The following TNRC18 variants were observed in gnomAD, a reference collection of about 807,000 sequenced individuals.
TNRC18 encodes the protein trinucleotide repeat containing 18.
TNRC18 carries 69 observed loss-of-function variants against 226.7 expected under a neutral mutation model. The observed-to-expected ratio is 0.30, with a 90% confidence interval of 0.25 to 0.37. TNRC18 has a LOEUF of 0.37. Among genes scored for constraint, TNRC18 ranks in the 10% least tolerant of loss-of-function variants. TNRC18 has a pLI of 1.00. For synonymous variants in TNRC18, 2,449 were observed against 1,927.6 expected, an observed-to-expected ratio of 1.27 and a Z score of -7.09; for missense variants, 4,754 against 4,256.6, an observed-to-expected ratio of 1.12 and a Z score of -3.25.
intron 2 of TNRC18, among the ~76,000 whole-genome samples, chr7:5,412,755 G>C (rs1001175606): frequency 6.6e-6 from 1 of 152,154 alleles, no homozygotes. Flanking sequence ...AGGCCATCCT[G>C]CCTCTAGATG....
rs749877195 is a variant in TNRC18, at chr7:5,324,287, G to C, written c.6369C>G (p.Pro2123=). ...CCTCAGAGAAGCTCGAGTCTTGGTT[G>C]GGTTCAAAGTCCTCCTCGGCTGCCA... ...ESMAAEEDFE[P]NQDSSFSEDE... Residue 2123 remains proline, a synonymous_variant, in exon 21 of 30, where the codon CCC becomes CCG. Transcript: ENST00000430969. This position sits in a 1 kb window ranked among gnomAD's most constrained non-coding sequence, Gnocchi z 4.8. 3 of 1,613,472 alleles carry C rather than the reference G, an allele frequency of 1.9e-6. No homozygotes were observed. The highest frequency in any genetic ancestry group is 2.5e-6 in the Non-Finnish European group (3 of 1,179,714).
intron 5 of TNRC18, among the ~76,000 whole-genome samples, chr7:5,380,995 T>C (rs1779358555): frequency 6.6e-6 from 1 of 152,060 alleles, no homozygotes. Context: ...GCACTTAGAG[T>C]GCAGCCTGGG....
rs2128118858 is a variant in TNRC18 at position 5,324,898 on chromosome 7, GAGGAC to G, written c.6300+193_6300+197del. On this transcript the variant is annotated intron_variant, in intron 20 of 29. Transcript: ENST00000430969. The surrounding 1 kb of genome is among the most constrained non-coding windows in gnomAD (Gnocchi z 4.8). ...GCCCCCGCTAGAGCAGACATTTCCT[GAGGAC>G]AGGAGCAGAGTCCCCAGTATCTCCT... Among the ~76,000 whole-genome samples the G allele has an allele frequency of 6.6e-6, 1 of 152,296 alleles. No individual in the cohort carries two copies. The highest frequency in any genetic ancestry group is 2.4e-5 in the African/African-American group (1 of 41,570).
At chr7:5,421,012 A>G in intron 2 of TNRC18, 48 bp downstream of exon 2, 1 of 1,544,268 alleles carries the variant, frequency 6.5e-7, no homozygotes, top group Non-Finnish European at 8.8e-7. Context: ...GGCCGAGTGG[A>G]TCTCCCTGGG....
At position 5,391,500 on chromosome 7, in the gene TNRC18, G is replaced by A. The variant is rs1347200694; in HGVS notation, c.344-872C>T. 9.9e-5 allele frequency among the ~76,000 whole-genome samples: 15 copies of A among 151,798 alleles called. No individual in the cohort carries two copies. In the South Asian group the frequency reaches 1.7e-3, roughly 17 times the overall value. On this transcript the variant is annotated intron_variant, in intron 3 of 29. Transcript: ENST00000430969. ...CTAATTTTGTATTTTTAGTAGAGAT[G>A]GGGTTTCACCATGCTGATCAGGCTG...
intron 11 of TNRC18, among the ~76,000 whole-genome samples, chr7:5,363,595 C>G (rs1036399437): frequency 6.6e-6 from 1 of 152,074 alleles, no homozygotes; most frequent in Admixed American, 6.6e-5. Context: ...CAGAGGGAGA[C>G]TCCATCTCAA....
At chr7:5,400,712 T>G (rs1781025059) in intron 2 of TNRC18, among the ~76,000 whole-genome samples, 1 of 152,142 alleles carries the variant, frequency 6.6e-6, no homozygotes, top group African/African-American at 2.4e-5. Context: ...AATGGTTAAT[T>G]GTATGCCACG....
At chr7:5,411,764 C>T (rs1781859440) in intron 2 of TNRC18, among the ~76,000 whole-genome samples, 1 of 151,884 alleles carries the variant, frequency 6.6e-6, no homozygotes, top group South Asian at 2.1e-4. Context: ...CAATGGCTCT[C>T]CAGCACACCC....
Position 5,361,881 on chromosome 7 carries a change from C to T in TNRC18, c.4532+16G>A, listed in dbSNP as rs1018335995. 29 of 1,538,832 alleles carry T rather than the reference C, an allele frequency of 1.9e-5. No homozygotes were observed. The highest frequency in any genetic ancestry group is 1.0e-4 in the Admixed American group (5 of 50,180). On this transcript the variant is annotated intron_variant, in intron 13 of 29. Coordinates refer to ENST00000430969, the MANE Select transcript of TNRC18 (RefSeq NM_001080495.3). ...CGGGGCAGGGGCCCCACGGGGCGGG[C>T]GGGGGACACACTCACTCGGAGTCCC...
chr7:5,403,740 T>C (rs958465858), intron 2 of TNRC18, among the ~76,000 whole-genome samples: 3 of 151,518 alleles, frequency 2.0e-5, no homozygotes, highest in East Asian at 1.9e-4. Context: ...CATTGAGCTA[T>C]GGTTGCACCA....
At chr7:5,403,631 A>C (rs557812492) in intron 2 of TNRC18, among the ~76,000 whole-genome samples, 1 of 152,168 alleles carries the variant, frequency 6.6e-6, no homozygotes, top group South Asian at 2.1e-4. Flanking sequence ...TCTATACAAA[A>C]AAATTAAAAA....
chr7:5,389,219 C>G lies in TNRC18; in HGVS notation c.605G>C (p.Arg202Pro). The change falls in exon 5 of 30, where the codon CGG becomes CCG. Residue 202 changes from arginine (R) to proline (P), a missense_variant. Transcript: ENST00000430969. The part of the protein sequence containing the change: ...SGAPAKGSSS[R>P]DGPAKERAGR... ...CGCCCGCTCCTTGGCTGGACCGTCC[C>G]GCGACGACGAGCCTTTGGCCGGGGC... 7.5e-7 allele frequency: 1 copy of G among 1,334,390 alleles called. No homozygotes were observed. The highest frequency in any genetic ancestry group is 1.8e-5 in the South Asian group (1 of 56,250). 82.7% of individuals were successfully genotyped at this position (1,334,390 alleles called of 1,614,324 possible).
At chr7:5,358,087 G>C (rs1318945229) in intron 15 of TNRC18, among the ~76,000 whole-genome samples, 1 of 152,158 alleles carries the variant, frequency 6.6e-6, no homozygotes, top group Non-Finnish European at 1.5e-5. Context: ...CAGCTGATAT[G>C]CCTATCTCAG....
At chr7:5,389,461 G>GTTGTTTTTTTTTTTTTTT (rs1554297480) in intron 4 of TNRC18, 125 bp from the exon 5 acceptor site, 1 of 519,650 alleles carries the variant, frequency 1.9e-6, no homozygotes, top group African/African-American at 2.8e-5. Context: ...TTTGGTTTTG[G>GTTGTTTTTTTTTTTTTTT]TTTTTTTTTT....
At chr7:5,363,228 G>A (rs774528034) in intron 11 of TNRC18, among the ~76,000 whole-genome samples, 5 of 152,028 alleles carry the variant, frequency 3.3e-5, no homozygotes, top group Non-Finnish European at 5.9e-5. Context: ...ACTTGAACCC[G>A]GGAGGCAGAG....
intron 19 of TNRC18, chr7:5,329,798 T>G (rs1288222752): frequency 5.1e-6 from 2 of 390,654 alleles, no homozygotes; most frequent in African/African-American, 4.4e-5. Flanking sequence ...CAGTTCTGGC[T>G]CCTTAACCAC....
At chr7:5,361,792 G>A in intron 13 of TNRC18, 70 bp from the exon 14 acceptor site, 2 of 1,533,412 alleles carry the variant, frequency 1.3e-6, no homozygotes, top group South Asian at 2.4e-5. Context: ...GGCACACGAT[G>A]CACACACGGC....
Position 5,387,928 on chromosome 7 carries a change from T to G in TNRC18, c.1896A>C (p.Arg632=), listed in dbSNP as rs749541003. ...CGGAGTGTGGGAGACGGGCCTGGGCTCGGGAGGCACCCGCAGAGGTGGGCG... is the reference window on the plus strand; with the variant it reads ...CGGAGTGTGGGAGACGGGCCTGGGCGCGGGAGGCACCCGCAGAGGTGGGCG... The part of the protein sequence containing the change: ...EPAPTSAGAS[R]AQARLPHSGG... The change falls in exon 5 of 30, where the codon CGA becomes CGC. Residue 632 remains arginine, a synonymous_variant. Transcript: ENST00000430969. 5.3e-5 allele frequency: 84 copies of G among 1,596,222 alleles called. No individual in the cohort carries two copies. Among genetic ancestry groups the G allele is most frequent in the Non-Finnish European group, 6.8e-5 (80 of 1,172,564 alleles).
At chr7:5,353,577 A>C (rs1463217614) in intron 16 of TNRC18, among the ~76,000 whole-genome samples, 1 of 150,696 alleles carries the variant, frequency 6.6e-6, no homozygotes, top group Non-Finnish European at 1.5e-5. Context: ...AAAAAAAAAA[A>C]AAAACCCACA....
Sources: allele counts gnomAD v4.1 joint callset (sites outside exome capture counted in the v4.1 genomes callset), GRCh38; gene constraint gnomAD v4.1.1; non-coding constraint Gnocchi (gnomAD v3.1); transcripts MANE v1.5; gene names NCBI Gene and HGNC (gene_info 2026-07-23, HGNC 2026-07-21).